The following SLC26A5 variants were observed in gnomAD, a reference collection of about 807,000 sequenced individuals.
SLC26A5 encodes prestin.
In SLC26A5, 51 loss-of-function variants were observed where a neutral mutation model predicts 81.0. The ratio of observed to expected loss-of-function variants is 0.63; its 90% CI spans 0.50 to 0.80. The LOEUF (loss-of-function observed/expected upper bound fraction) is 0.80. Among genes scored for constraint, SLC26A5 ranks in the 30% least tolerant of loss-of-function variants. The pLI, the probability that SLC26A5 is intolerant of heterozygous loss-of-function variation, is 0.00. For synonymous variants in SLC26A5, 325 were observed against 332.8 expected (o/e 0.98, Z 0.25); for missense variants, 771 against 905.8 (o/e 0.85, Z 1.91).
intron 10 of SLC26A5, among the ~76,000 whole-genome samples, chr7:103,392,630 T>A (rs1163105268): frequency 1.3e-5 from 2 of 152,140 alleles, no homozygotes; most frequent in Non-Finnish European, 2.9e-5. Flanking sequence ...CAGGCTGGAG[T>A]GCAGCGGCGC....
At chr7:103,364,345 A>G in intron 19 of SLC26A5, 1 of 1,605,736 alleles carries the variant, frequency 6.2e-7, no homozygotes, top group Non-Finnish European at 8.5e-7. Context: ...AGCCTTGTGA[A>G]AGATTTTACA....
At chr7:103,402,150 T>C (rs1283049957) in intron 8 of SLC26A5, among the ~76,000 whole-genome samples, 4 of 152,250 alleles carry the variant, frequency 2.6e-5, no homozygotes, top group Non-Finnish European at 5.9e-5. Context: ...AGCTTCTCTT[T>C]GTACCTCTGG....
rs1821186818 is a variant in SLC26A5 at position 103,374,363 on chromosome 7, G to A, written c.*36C>T. On this transcript the variant is annotated 3_prime_UTR_variant, in exon 20 of 20. Transcript: ENST00000306312. Reference sequence around the variant, plus strand: ...AACGTGTAAATTATGAACTTCATGAGAGGCTTATAACCCCATCCTAGGGTG... The same window carrying A: ...AACGTGTAAATTATGAACTTCATGAAAGGCTTATAACCCCATCCTAGGGTG... The A allele has an allele frequency of 1.9e-6, 3 of 1,611,226 alleles. No individual in the cohort carries two copies. Among genetic ancestry groups the A allele is most frequent in the Non-Finnish European group, 2.5e-6 (3 of 1,179,580 alleles).
intron 2 of SLC26A5, among the ~76,000 whole-genome samples, chr7:103,436,259 C>T (rs1826444937): frequency 6.6e-6 from 1 of 152,012 alleles, no homozygotes; most frequent in Admixed American, 6.6e-5. Flanking sequence ...TCAGGAGACC[C>T]TTGGCATTTG....
chr7:103,416,061 C>A (rs184043299), intron 4 of SLC26A5, among the ~76,000 whole-genome samples: 1 of 152,168 alleles, frequency 6.6e-6, no homozygotes, highest in Non-Finnish European at 1.5e-5. Context: ...TTTTTAATTT[C>A]TATGAGCTCT....
chr7:103,376,849 T>C lies in SLC26A5; in HGVS notation c.2000A>G (p.Tyr667Cys), dbSNP rs1378376686. ...VKTLAGIVKEYGDVGIYVYLA... is the reference protein window; with the variant it reads ...VKTLAGIVKECGDVGIYVYLA... Reference sequence around the variant, plus strand: ...GTATACATATATACCGACGTCTCCATATTCTTTTACAATCTGTAATAATGT... The same window carrying C: ...GTATACATATATACCGACGTCTCCACATTCTTTTACAATCTGTAATAATGT... Residue 667 changes from tyrosine (Y) to cysteine (C), a missense_variant, in exon 19 of 20, where the codon TAT (tyrosine) becomes TGT (cysteine). Tyr to Cys is a radical substitution (Grantham distance 194). Coordinates refer to ENST00000306312, the MANE Select transcript of SLC26A5 (RefSeq NM_198999.3). 2.5e-6 allele frequency: 4 copies of C among 1,601,460 alleles called. No homozygotes were observed. The highest frequency in any genetic ancestry group is 3.4e-6 in the Non-Finnish European group (4 of 1,168,966).
rs753838245 is a variant in SLC26A5, at chr7:103,367,725, A to G, written c.2041+9083T>C. Reference sequence around the variant, plus strand: ...TTCTCATTTTTAGGGTCGGACCCACATATTTAAGATTCACGCTCGTTCAAT... The same window carrying G: ...TTCTCATTTTTAGGGTCGGACCCACGTATTTAAGATTCACGCTCGTTCAAT... On this transcript the variant is annotated intron_variant, in intron 19 of 19. Coordinates refer to the SLC26A5 transcript ENST00000339444. This position sits in a 1 kb window ranked among gnomAD's most constrained non-coding sequence, Gnocchi z 6.1. 3.1e-6 allele frequency: 5 copies of G among 1,613,498 alleles called. No individual in the cohort carries two copies. Among genetic ancestry groups the G allele is most frequent in the Non-Finnish European group, 8.5e-7 (1 of 1,179,814 alleles).
intron 8 of SLC26A5, among the ~76,000 whole-genome samples, chr7:103,398,829 C>A (rs1356454200): frequency 6.6e-6 from 1 of 152,116 alleles, no homozygotes; most frequent in Non-Finnish European, 1.5e-5. Flanking sequence ...TTATCAGAAA[C>A]AGCAGCCTGG....
chr7:103,362,531 C>T (rs1820469910), intron 19 of SLC26A5: 1 of 1,402,754 alleles, frequency 7.1e-7, no homozygotes, highest in South Asian at 1.5e-5. Flanking sequence ...TTAGTATCCT[C>T]AGATTTCATG....
chr7:103,410,927 C>T (rs985482951), intron 6 of SLC26A5, among the ~76,000 whole-genome samples: 10 of 152,146 alleles, frequency 6.6e-5, no homozygotes, highest in Admixed American at 6.5e-4. Flanking sequence ...CCGCGCCCAG[C>T]CTCTGGACCA....
At chr7:103,436,131 C>G (rs1586399393) in intron 2 of SLC26A5, among the ~76,000 whole-genome samples, 1 of 151,850 alleles carries the variant, frequency 6.6e-6, no homozygotes, top group South Asian at 2.1e-4. Context: ...TCTAAAATTT[C>G]CATAGTAGGC....
chr7:103,444,339 G>A (rs1369614434), intron 1 of SLC26A5, among the ~76,000 whole-genome samples: 10 of 152,124 alleles, frequency 6.6e-5, no homozygotes. Flanking sequence ...TATTTATCAT[G>A]ATTTCCCTAG....
At position 103,408,020 on chromosome 7, in the gene SLC26A5, G is replaced by T; in HGVS notation, c.736-17C>A. On this transcript the variant is annotated splice_polypyrimidine_tract_variant and intron_variant, in intron 7 of 19. Transcript: ENST00000306312. ...AACTGTACTCTGTAACACAGTGAAT[G>T]CTGGATGTTTACATCAAGAAATCGC... The T allele has an allele frequency of 1.9e-6, 3 of 1,613,936 alleles. No homozygotes were observed. Among genetic ancestry groups the T allele is most frequent in the Non-Finnish European group, 8.5e-7 (1 of 1,179,928 alleles).
In SLC26A5 at chr7:103,379,273, G is replaced by T; in HGVS notation, c.1647C>A (p.Ser549Arg). ...GTTTTAATGCATTGCTATACAAGTC[G>T]CTATTTGCATAGTAAATTGGTGCAT... is the stretch of plus-strand genomic sequence containing the variant. Reference protein sequence around the residue: ...QINAPIYYANSDLYSNALKRK... With the variant: ...QINAPIYYANRDLYSNALKRK... Residue 549 changes from serine (S) to arginine (R), a missense_variant, in exon 16 of 20, where the codon AGC (serine) becomes AGA (arginine). Coordinates refer to ENST00000306312, the MANE Select transcript of SLC26A5 (RefSeq NM_198999.3). 1 of 1,611,068 alleles carries T rather than the reference G, an allele frequency of 6.2e-7. No individual in the cohort carries two copies. The highest frequency in any genetic ancestry group is 8.5e-7 in the Non-Finnish European group (1 of 1,177,556).
At chr7:103,406,638 A>C (rs570388323) in intron 8 of SLC26A5, among the ~76,000 whole-genome samples, 11 of 152,020 alleles carry the variant, frequency 7.2e-5, no homozygotes, top group Admixed American at 1.3e-4. Context: ...CCATCTTGCC[A>C]GCCCTTTACC....
chr7:103,425,483 C>T (rs1825653269), intron 2 of SLC26A5, among the ~76,000 whole-genome samples: 1 of 151,906 alleles, frequency 6.6e-6, no homozygotes, highest in African/African-American at 2.4e-5. Context: ...GAGAGAAATA[C>T]ATATGAAAAA....
At chr7:103,439,238 G>A (rs1990168) in intron 2 of SLC26A5, among the ~76,000 whole-genome samples, 46,548 of 151,950 alleles carry the variant, frequency 0.31, 8,246 homozygotes, top group East Asian at 0.62. Context: ...GAAGCACAAG[G>A]GGAGGAATGG....
At chr7:103,440,688 T>C (rs1269112060) in intron 2 of SLC26A5, among the ~76,000 whole-genome samples, 10 of 152,224 alleles carry the variant, frequency 6.6e-5, no homozygotes, top group Admixed American at 6.5e-4. Flanking sequence ...AATTTTGTTT[T>C]GTTTGTTTAC....
At chr7:103,429,361 C>T (rs543959272) in intron 2 of SLC26A5, among the ~76,000 whole-genome samples, 23 of 152,182 alleles carry the variant, frequency 1.5e-4, no homozygotes, top group Non-Finnish European at 1.9e-4. Flanking sequence ...AAGCTTACTA[C>T]GTCTTTCACA....
Sources: allele counts gnomAD v4.1 joint callset (sites outside exome capture counted in the v4.1 genomes callset), GRCh38; gene constraint gnomAD v4.1.1; non-coding constraint Gnocchi (gnomAD v3.1); transcripts MANE v1.5; gene names NCBI Gene and HGNC (gene_info 2026-07-23, HGNC 2026-07-21).